The following CLCN6 variants were observed in gnomAD, a reference collection of about 807,000 sequenced individuals.
CLCN6 encodes Cl-/H+ antiporter 6, also known as H(+)/Cl(-) exchange transporter 6.
In CLCN6, 70 loss-of-function variants were observed where a neutral mutation model predicts 109.8. That is an observed-to-expected ratio of 0.64 (90% CI 0.53 to 0.78). The LOEUF (loss-of-function observed/expected upper bound fraction) is 0.78, where lower values mean the gene tolerates loss of function less well. Ranked by LOEUF, CLCN6 falls within the 30% of genes least tolerant of loss-of-function variation. The pLI is 0.00. For missense variants in CLCN6, 984 were observed against 1,142.3 expected (o/e 0.86, Z 2.00); for synonymous variants, 444 against 447.8 (o/e 0.99, Z 0.11).
intron 11 of CLCN6, 72 bp from the exon 12 acceptor site, chr1:11,828,386 T>G: frequency 3.8e-6 from 6 of 1,587,694 alleles, no homozygotes; most frequent in Non-Finnish European, 4.3e-6. Flanking sequence ...TGCTTCTGTC[T>G]TCTCTTCTGT....
At chr1:11,811,730 C>T (rs1190984052) in intron 2 of CLCN6, among the ~76,000 whole-genome samples, 1 of 152,168 alleles carries the variant, frequency 6.6e-6, no homozygotes, top group Non-Finnish European at 1.5e-5. Context: ...AGAGGAAACC[C>T]TGCACTCATT....
Position 11,834,094 on chromosome 1 carries a change from ATG to A in CLCN6, c.1526+71_1526+72del. The stretch of plus-strand genomic sequence containing the variant: ...TGTGTGCACGTGTGCGTGTGTATGC[ATG>A]TGTGTGCGTGTGCGTGCGTTGATGT... On this transcript the variant is annotated intron_variant, in intron 15 of 22. Coordinates refer to ENST00000346436, the MANE Select transcript of CLCN6 (RefSeq NM_001286.5). The surrounding 1 kb of genome is among the most constrained non-coding windows in gnomAD (Gnocchi z 4.5). 5 of 1,598,780 alleles carry A rather than the reference ATG, an allele frequency of 3.1e-6. No homozygotes were observed. Among genetic ancestry groups the A allele is most frequent in the Non-Finnish European group, 4.3e-6 (5 of 1,172,422 alleles).
At chr1:11,822,648 G>T (rs753388069) in intron 5 of CLCN6, 47 bp from the exon 6 acceptor site, 1 of 1,142,324 alleles carries the variant, frequency 8.8e-7, no homozygotes, top group Non-Finnish European at 1.3e-6. Flanking sequence ...TGATGACGGG[G>T]ACACCCCTCG....
intron 22 of CLCN6, 44 bp from the exon 23 acceptor site, chr1:11,840,099 C>T (rs369139317): frequency 3.9e-6 from 6 of 1,529,926 alleles, no homozygotes; most frequent in Middle Eastern, 1.7e-4. Context: ...TTCTCGCCAG[C>T]GGGTTTTACC....
In CLCN6 at chr1:11,834,441, C is replaced by T. The variant is rs758234096; in HGVS notation, c.1687-43C>T. 6.8e-6 allele frequency: 11 copies of T among 1,613,128 alleles called. No individual in the cohort carries two copies. The highest frequency in any genetic ancestry group is 3.3e-4 in the Middle Eastern group (2 of 6,056). On this transcript the variant is annotated intron_variant, in intron 16 of 22. Transcript: ENST00000346436. This position sits in a 1 kb window ranked among gnomAD's most constrained non-coding sequence, Gnocchi z 4.5. ...CCCCTGTCAGGCTCAGGGCCACGTCCGCCCCACAGGACCTATTTTTAGGTC... is the reference window on the plus strand; with the variant it reads ...CCCCTGTCAGGCTCAGGGCCACGTCTGCCCCACAGGACCTATTTTTAGGTC...
In CLCN6 at chr1:11,842,870, C is replaced by T. The variant is rs996356910; in HGVS notation, c.*2647C>T. Reference sequence around the variant, plus strand: ...GACCCTGGGTGACAGGAAAGCCTTTCGAGAGGCCCAAGGTGGCCTCGCCAG... The same window carrying T: ...GACCCTGGGTGACAGGAAAGCCTTTTGAGAGGCCCAAGGTGGCCTCGCCAG... On this transcript the variant is annotated 3_prime_UTR_variant, in exon 23 of 23. Transcript: ENST00000346436. 1.3e-5 allele frequency: 2 copies of T among 152,252 alleles called. No homozygotes were observed. The highest frequency in any genetic ancestry group is 2.4e-5 in the African/African-American group (1 of 41,468). 9.4% of individuals were successfully genotyped at this position (152,252 alleles called of 1,614,324 possible). A position where few individuals can be genotyped will look rare whatever the true frequency, so the allele number is the denominator to read the frequency against.
intron 4 of CLCN6, among the ~76,000 whole-genome samples, chr1:11,817,835 T>G (rs980563346): frequency 7.2e-5 from 11 of 152,210 alleles, no homozygotes; most frequent in African/African-American, 2.7e-4. Context: ...CATCAAATTT[T>G]TACTATAGTA....
At chr1:11,808,227 TTGTGTGTGTGTGTGTGTG>T (rs3073085) in intron 2 of CLCN6, among the ~76,000 whole-genome samples, 256 of 139,254 alleles carry the variant, frequency 1.8e-3, no homozygotes, top group African/African-American at 2.3e-3. Context: ...GTGTGTGTGT[TTGTGTGTGTGTGTGTGTG>T]TGTGTGTGTG....
At chr1:11,817,396 G>T (rs533393442) in intron 4 of CLCN6, among the ~76,000 whole-genome samples, 2 of 152,176 alleles carry the variant, frequency 1.3e-5, no homozygotes, top group African/African-American at 4.8e-5. Flanking sequence ...GCTCCTCCCC[G>T]TACGTCGTTA....
At chr1:11,809,917 A>C (rs1486539318) in intron 2 of CLCN6, among the ~76,000 whole-genome samples, 1 of 152,256 alleles carries the variant, frequency 6.6e-6, no homozygotes, top group Non-Finnish European at 1.5e-5. Flanking sequence ...TCAATAAATA[A>C]ATCAACTTGA....
intron 10 of CLCN6, among the ~76,000 whole-genome samples, chr1:11,827,630 T>TTTGGCAAGGCTGG (rs1644830483): frequency 6.6e-6 from 1 of 152,164 alleles, no homozygotes; most frequent in Non-Finnish European, 1.5e-5. Context: ...GAGATGGGGC[T>TTTGGCAAGGCTGG]TCTGACATCA....
chr1:11,816,679 TG>T lies in CLCN6; in HGVS notation c.279+1del. ...TTTGCCATTGGAGTCTGCACTGGCC[TG>T]GTGAGGAGGCAGGGCCTGGAGGGAT... ...VVFAIGVCTG[L>X]VGLFVDFFVR... On this transcript the variant is annotated frameshift_variant and splice_region_variant, in exon 4 of 23. Transcript: ENST00000346436. LOFTEE classifies it high-confidence loss of function. 6.2e-7 allele frequency: 1 copy of T among 1,611,922 alleles called. No homozygotes were observed. The highest frequency in any genetic ancestry group is 8.5e-7 in the Non-Finnish European group (1 of 1,178,908).
chr1:11,838,926 T>C, intron 22 of CLCN6: 1 of 718,416 alleles, frequency 1.4e-6, no homozygotes, highest in Non-Finnish European at 2.6e-6. Context: ...CCTGAAATGT[T>C]GCTCTTCACT....
rs772557114 is a variant in CLCN6, at chr1:11,834,572, C to T, written c.1775C>T (p.Thr592Ile). 3 of 1,613,978 alleles carry T rather than the reference C, an allele frequency of 1.9e-6. No homozygotes were observed. The Admixed American group carries it at 5.0e-5, about 27-fold the overall frequency. The change falls in exon 17 of 23, where the codon ACA becomes ATA. Residue 592 changes from threonine (T) to isoleucine (I), a missense_variant. Thr to Ile is a moderately conservative substitution (Grantham distance 89, BLOSUM62 -1). Coordinates refer to ENST00000346436, the MANE Select transcript of CLCN6 (RefSeq NM_001286.5). This position sits in a 1 kb window ranked among gnomAD's most constrained non-coding sequence, Gnocchi z 4.5. ...LRGVPLLEWE[T>I]EVEMDKLRAS... ...GGCGTGCCGCTTCTGGAATGGGAGACAGAGGTGGAAATGGACAAGTAAGGC... is the reference window on the plus strand; with the variant it reads ...GGCGTGCCGCTTCTGGAATGGGAGATAGAGGTGGAAATGGACAAGTAAGGC...
intron 22 of CLCN6, chr1:11,838,965 AC>A (rs1297436420): frequency 1.4e-6 from 1 of 704,530 alleles, no homozygotes; most frequent in South Asian, 1.5e-5. Context: ...TTGGTTCTCC[AC>A]CTGCGTAGGG....
At position 11,833,812 on chromosome 1, in the gene CLCN6, C is replaced by G. The variant is rs76337233; in HGVS notation, c.1373-65C>G. The G allele has an allele frequency of 3.2e-6, 5 of 1,571,372 alleles. No individual in the cohort carries two copies. In the Admixed American group the frequency reaches 9.4e-5, roughly 30 times the overall value. ...AACTGGTATGGGGTGTGGTCGGGCC[C>G]GGTAGGTCTACTGGGCCTTGGCAGG... On this transcript the variant is annotated intron_variant, in intron 14 of 22. Coordinates refer to ENST00000346436, the MANE Select transcript of CLCN6 (RefSeq NM_001286.5).
In CLCN6 at chr1:11,834,682, C is replaced by T. The variant is rs60802888; in HGVS notation, c.1793+92C>T. ...GTTATTAGGGTAGGAAACAGTAACT[C>T]ACTTTTCTTGGGCTGAAAGAAGCAA... On this transcript the variant is annotated intron_variant, in intron 17 of 22. Coordinates refer to ENST00000346436, the MANE Select transcript of CLCN6 (RefSeq NM_001286.5). This position sits in a 1 kb window ranked among gnomAD's most constrained non-coding sequence, Gnocchi z 4.5. 6,790 of 1,093,828 alleles carry T rather than the reference C, an allele frequency of 6.2e-3. 290 individuals are homozygous for T. The African/African-American group carries it at 0.091, about 15-fold the overall frequency. The allele number at this position is 1,093,828 out of a possible 1,614,324, so 67.8% of individuals were successfully genotyped here.
chr1:11,807,010 G>A, intron 1 of CLCN6, 121 bp from the exon 2 acceptor site: 1 of 866,342 alleles, frequency 1.2e-6, no homozygotes, highest in Non-Finnish European at 1.9e-6. Context: ...TTGAGGGCTG[G>A]TTCCTATTTG....
At chr1:11,808,060 A>T (rs1334597898) in intron 2 of CLCN6, among the ~76,000 whole-genome samples, 1 of 152,086 alleles carries the variant, frequency 6.6e-6, no homozygotes, top group Non-Finnish European at 1.5e-5. Flanking sequence ...TTTTATTATG[A>T]AGGATTTCAA....
Sources: gnomAD v4.1 joint callset for allele counts (sites outside exome capture counted in the v4.1 genomes callset) on GRCh38, gnomAD v4.1.1 for gene constraint, Gnocchi (gnomAD v3.1) non-coding constraint, MANE v1.5 for transcripts, NCBI Gene and HGNC (gene_info 2026-07-23, HGNC 2026-07-21) for gene names.